Variants in ARAP2 observed in about 807,000 individuals in gnomAD.
ARAP2 encodes the protein arf-GAP with Rho-GAP domain, ANK repeat and PH domain-containing protein 2.
Under a neutral mutation model 194.5 loss-of-function variants are expected in ARAP2, and 148 were observed. The ratio of observed to expected loss-of-function variants is 0.76; its 90% CI spans 0.67 to 0.87. The LOEUF is 0.87. Among genes scored for constraint, ARAP2 ranks in the 40% least tolerant of loss-of-function variants. ARAP2 has a pLI of 0.00. For synonymous variants in ARAP2, 695 were observed against 683.5 expected, an observed-to-expected ratio of 1.02 and a Z score of -0.26; for missense variants, 2,128 against 1,989.7, an observed-to-expected ratio of 1.07 and a Z score of -1.32.
chr4:36,064,374 T>C (rs1285248410), downstream of ARAP2, among the ~76,000 whole-genome samples: 1 of 152,168 alleles, frequency 6.6e-6, no homozygotes, highest in Non-Finnish European at 1.5e-5. Context: ...ACACAGGTTC[T>C]GGGCTGGGGG....
Position 36,184,630 on chromosome 4 carries a change from CT to C in ARAP2, c.1678+2820del, listed in dbSNP as rs149891562. 6.2e-3 allele frequency among the ~76,000 whole-genome samples: 944 copies of C among 152,280 alleles called. 12 individuals are homozygous for C. Among genetic ancestry groups the C allele is most frequent in the African/African-American group, 0.022 (899 of 41,562 alleles). ...ACTTAAATAAAACGTGTCTGTTTAA[CT>C]TTTAATGTGTCAAGTAAATATGGCT... On this transcript the variant is annotated intron_variant, in intron 8 of 32. Transcript: ENST00000303965.
intron 2 of ARAP2, among the ~76,000 whole-genome samples, chr4:36,224,519 T>C (rs1749860853): frequency 6.6e-6 from 1 of 152,168 alleles, no homozygotes; most frequent in Non-Finnish European, 1.5e-5. Flanking sequence ...ATTACAGAAC[T>C]ACTGCAACAC....
intron 12 of ARAP2, among the ~76,000 whole-genome samples, chr4:36,161,007 G>A (rs1307426710): frequency 2.0e-5 from 3 of 152,144 alleles, no homozygotes; most frequent in African/African-American, 7.2e-5. Flanking sequence ...AGCCAAAAAT[G>A]GAGACAGGAC....
At chr4:36,111,824 T>C (rs1443713591) in intron 26 of ARAP2, among the ~76,000 whole-genome samples, 1 of 151,980 alleles carries the variant, frequency 6.6e-6, no homozygotes, top group East Asian at 1.9e-4. Context: ...TGCTTGCTCC[T>C]CTTAGGATGG....
chr4:36,223,203 T>C (rs1749537982), intron 2 of ARAP2, among the ~76,000 whole-genome samples: 1 of 152,166 alleles, frequency 6.6e-6, no homozygotes, highest in African/African-American at 2.4e-5. Flanking sequence ...TAAAGCTTTA[T>C]TTTAGTAAGT....
downstream of ARAP2, among the ~76,000 whole-genome samples, chr4:36,062,542 A>T (rs1724613421): frequency 6.6e-6 from 1 of 152,148 alleles, no homozygotes; most frequent in Non-Finnish European, 1.5e-5. Context: ...AGCTAGGAGG[A>T]CTAATACATT....
At chr4:36,123,036 T>A (rs1477064609) in intron 22 of ARAP2, among the ~76,000 whole-genome samples, 1 of 151,828 alleles carries the variant, frequency 6.6e-6, no homozygotes, top group Admixed American at 6.6e-5. Flanking sequence ...GCAGAGATGG[T>A]GCAAGTGCAA....
At chr4:36,111,825 C>T (rs1213023861) in intron 26 of ARAP2, among the ~76,000 whole-genome samples, 1 of 151,980 alleles carries the variant, frequency 6.6e-6, no homozygotes, top group Non-Finnish European at 1.5e-5. Flanking sequence ...GCTTGCTCCT[C>T]TTAGGATGGC....
At chr4:36,124,656 C>T (rs901289355) in intron 22 of ARAP2, among the ~76,000 whole-genome samples, 5 of 151,854 alleles carry the variant, frequency 3.3e-5, no homozygotes, top group Admixed American at 1.3e-4. Context: ...CTTGCTTATG[C>T]ATCAGATGCA....
intron 5 of ARAP2, among the ~76,000 whole-genome samples, chr4:36,037,146 T>C (rs934189929): frequency 1.5e-4 from 23 of 152,290 alleles, no homozygotes; most frequent in Admixed American, 1.3e-4. Context: ...TTTAGTATGG[T>C]GCCTGTTATT....
chr4:36,221,099 A>G (rs1037835803), intron 2 of ARAP2, among the ~76,000 whole-genome samples: 4 of 152,140 alleles, frequency 2.6e-5, no homozygotes, highest in Non-Finnish European at 5.9e-5. Flanking sequence ...ATTCACAAAT[A>G]TCTACTATTG....
intron 1 of ARAP2, among the ~76,000 whole-genome samples, chr4:36,233,646 T>A (rs1327409776): frequency 1.3e-5 from 2 of 152,240 alleles, no homozygotes; most frequent in Non-Finnish European, 2.9e-5. Flanking sequence ...TGTCAATGTC[T>A]CTACTTCCTT....
chr4:36,025,625 G>A (rs185132213), intron 5 of ARAP2, among the ~76,000 whole-genome samples: 10 of 151,414 alleles, frequency 6.6e-5, no homozygotes, highest in East Asian at 3.9e-4. Flanking sequence ...AAGGTCCTTC[G>A]TCTATTTTTG....
At chr4:36,148,007 T>C (rs979567864) in intron 17 of ARAP2, among the ~76,000 whole-genome samples, 9 of 152,160 alleles carry the variant, frequency 5.9e-5, no homozygotes, top group African/African-American at 1.9e-4. Flanking sequence ...CTTAACTGAT[T>C]TGTGGAACTT....
chr4:36,095,889 G>T (rs1448817384), intron 27 of ARAP2, among the ~76,000 whole-genome samples: 1 of 152,068 alleles, frequency 6.6e-6, no homozygotes, highest in Non-Finnish European at 1.5e-5. Flanking sequence ...TGTAAAACAA[G>T]AGTAATGACA....
intron 1 of ARAP2, chr4:36,243,746 C>A (rs1358284901): frequency 6.6e-6 from 1 of 152,192 alleles, no homozygotes; most frequent in East Asian, 1.9e-4. Flanking sequence ...GCCAAATGAT[C>A]GTAATTAAAG....
intron 2 of ARAP2, among the ~76,000 whole-genome samples, chr4:36,224,277 C>T (rs1263546461): frequency 6.8e-6 from 1 of 146,812 alleles, no homozygotes; most frequent in South Asian, 2.2e-4. Flanking sequence ...TGATTACAGA[C>T]TATGGGTCAT....
At chr4:36,121,895 A>G (rs1722758973) in intron 22 of ARAP2, among the ~76,000 whole-genome samples, 1 of 151,782 alleles carries the variant, frequency 6.6e-6, no homozygotes, top group Non-Finnish European at 1.5e-5. Context: ...AAATGCAATT[A>G]CATTTTTCTT....
chr4:36,023,974 A>G (rs1321034855), intron 5 of ARAP2, among the ~76,000 whole-genome samples: 1 of 145,648 alleles, frequency 6.9e-6, no homozygotes, highest in Non-Finnish European at 1.5e-5. Flanking sequence ...AAAAAAAAAA[A>G]TGACGTTTGT....
Sources: gnomAD v4.1 joint callset for allele counts (sites outside exome capture counted in the v4.1 genomes callset) on GRCh38, gnomAD v4.1.1 for gene constraint, MANE v1.5 for transcripts, NCBI Gene and HGNC (gene_info 2026-07-23, HGNC 2026-07-21) for gene names.